Variants in L3MBTL2 observed in about 807,000 individuals in gnomAD.
L3MBTL2 encodes lethal(3)malignant brain tumor-like protein 2.
A neutral mutation model predicts 86.4 loss-of-function variants in L3MBTL2; 49 were observed. The observed-to-expected ratio is 0.57, with a 90% CI of 0.45 to 0.72. The LOEUF is 0.72. Ranked by LOEUF, L3MBTL2 falls within the 30% of genes least tolerant of loss-of-function variation. The probability of loss-of-function intolerance (pLI) is 0.00; values close to 1 mark genes in which losing one functional copy is unlikely to be tolerated. For synonymous variants in L3MBTL2, 336 were observed against 350.6 expected, an observed-to-expected ratio of 0.96 and a Z score of 0.47; for missense variants, 755 against 923.7, an observed-to-expected ratio of 0.82 and a Z score of 2.37.
chr22:41,229,866 C>A, intron 16 of L3MBTL2: 2 of 833,368 alleles, frequency 2.4e-6, no homozygotes, highest in South Asian at 1.5e-5. Flanking sequence ...AGCCCGGCCC[C>A]GGCCCCTCCT....
At chr22:41,229,417 T>C (rs1335807046) in intron 15 of L3MBTL2, 123 bp from the exon 16 acceptor site, 4 of 1,068,010 alleles carry the variant, frequency 3.7e-6, no homozygotes, top group Non-Finnish European at 5.3e-6. Context: ...AGTCCAGGCT[T>C]TCTGTCCCCA....
At chr22:41,223,168 G>A (rs148057912) in intron 8 of L3MBTL2, among the ~76,000 whole-genome samples, 18 of 152,338 alleles carry the variant, frequency 1.2e-4, no homozygotes, top group African/African-American at 4.3e-4. Context: ...TAGGACCCCT[G>A]TGTCAGCTTT....
intron 6 of L3MBTL2, among the ~76,000 whole-genome samples, chr22:41,220,117 G>C (rs2031701834): frequency 1.3e-5 from 2 of 152,204 alleles, no homozygotes; most frequent in East Asian, 3.9e-4. Context: ...GGAGGCAGAG[G>C]CAGGAGGATT....
intron 2 of L3MBTL2, among the ~76,000 whole-genome samples, chr22:41,210,571 C>T (rs1312855578): frequency 6.6e-6 from 1 of 152,198 alleles, no homozygotes. Flanking sequence ...CCTCGTGATC[C>T]ACCCGCCTCG....
At position 41,214,003 on chromosome 22, in the gene L3MBTL2, G is replaced by A; in HGVS notation, c.373G>A (p.Ala125Thr). Residue 125 changes from alanine (A) to threonine (T), a missense_variant, in exon 3 of 17, where the codon GCC becomes ACC. This residue lies in a region of L3MBTL2 where 18 missense variants were observed against 69.7 expected (regional missense o/e 0.26). Coordinates refer to ENST00000216237, the MANE Select transcript of L3MBTL2 (RefSeq NM_031488.5). Reference protein sequence around the residue: ...SRSYSSNSKKASILARLQGKP... With the variant: ...SRSYSSNSKKTSILARLQGKP... ...GAGCTACTCCTCCAACTCCAAGAAA[G>A]CCAGTATCTTGGCTAGGTTACAGGT... 1.2e-6 allele frequency: 2 copies of A among 1,614,170 alleles called. No homozygotes were observed. The highest frequency in any genetic ancestry group is 1.7e-6 in the Non-Finnish European group (2 of 1,180,022).
chr22:41,211,394 A>T (rs1417731774), intron 2 of L3MBTL2, among the ~76,000 whole-genome samples: 2 of 150,742 alleles, frequency 1.3e-5, no homozygotes, highest in African/African-American at 4.9e-5. Context: ...TTGTAGAGAC[A>T]GGGGTTTTGC....
At chr22:41,226,563 C>A in intron 12 of L3MBTL2, 99 bp from the exon 13 acceptor site, 1 of 855,498 alleles carries the variant, frequency 1.2e-6, no homozygotes. Flanking sequence ...ATGCTGGGTC[C>A]TGACCAAGCT....
At chr22:41,219,310 T>G (rs1265408120) in intron 5 of L3MBTL2, 109 bp from the exon 6 acceptor site, 1 of 757,160 alleles carries the variant, frequency 1.3e-6, no homozygotes, top group Non-Finnish European at 2.4e-6. Flanking sequence ...CAGTGGGTGA[T>G]GTGAAAAGTT....
chr22:41,219,533 G>A lies in L3MBTL2; in HGVS notation c.715G>A (p.Ala239Thr). The A allele has an allele frequency of 6.2e-7, 1 of 1,606,964 alleles. No homozygotes were observed. The highest frequency in any genetic ancestry group is 8.5e-7 in the Non-Finnish European group (1 of 1,173,804). ...CTGGATCGCCTCTGTCATCCAGACA[G>A]CAGGTGAGTGTTTGGCCAGGGCAGG... ...VYWIASVIQT[A>T]GYRVLLRYEG... Residue 239 changes from alanine to threonine, a missense_variant, in exon 6 of 17, where the codon GCA (alanine) becomes ACA (threonine). Ala to Thr is a moderately conservative substitution (Grantham distance 58). Around this residue, in one of 3 missense-constraint regions of L3MBTL2, gnomAD observed 634 missense variants for 748.9 expected, o/e 0.85. Coordinates refer to ENST00000216237, the MANE Select transcript of L3MBTL2 (RefSeq NM_031488.5).
chr22:41,216,000 A>T, intron 3 of L3MBTL2, 139 bp from the exon 4 acceptor site: 2 of 947,126 alleles, frequency 2.1e-6, no homozygotes, highest in Non-Finnish European at 3.1e-6. Flanking sequence ...TATTGTCATC[A>T]CTGTTTCACA....
At chr22:41,215,659 A>AACATTCGCCTATGTGGACCCTCTCCCGT in intron 3 of L3MBTL2, among the ~76,000 whole-genome samples, 1 of 152,152 alleles carries the variant, frequency 6.6e-6, no homozygotes, top group East Asian at 1.9e-4. Context: ...CCCTCTCCCG[A>AACATTCGCCTATGTGGACCCTCTCCCGT]ACATTCGCCT....
intron 2 of L3MBTL2, 137 bp downstream of exon 2, chr22:41,210,070 G>T: frequency 9.4e-7 from 1 of 1,062,582 alleles, no homozygotes; most frequent in Non-Finnish European, 1.3e-6. Context: ...GATCAGATGT[G>T]TAAGGACCTG....
intron 5 of L3MBTL2, chr22:41,217,501 C>T (rs1475092183): frequency 6.4e-6 from 2 of 312,830 alleles, no homozygotes; most frequent in Admixed American, 4.9e-5. Context: ...TCTCTCCTTT[C>T]TCCCCCATTT....
chr22:41,213,693 A>C (rs2060179427), intron 2 of L3MBTL2, 200 bp from the exon 3 acceptor site: 3 of 532,950 alleles, frequency 5.6e-6, no homozygotes, highest in Admixed American at 3.2e-5. Context: ...TAGCCAAGGG[A>C]GGCCAAGCAG....
intron 3 of L3MBTL2, 54 bp downstream of exon 3, chr22:41,214,080 C>G: frequency 6.3e-7 from 1 of 1,597,038 alleles, no homozygotes; most frequent in Middle Eastern, 1.8e-4. Flanking sequence ...GAGACAGGAA[C>G]CACCAAGTGA....
At chr22:41,213,334 C>CT (rs141223031) in intron 2 of L3MBTL2, among the ~76,000 whole-genome samples, 3 of 151,704 alleles carry the variant, frequency 2.0e-5, no homozygotes, top group Admixed American at 6.6e-5. Flanking sequence ...AATTTTTTCG[C>CT]TTTTTTTTGA....
chr22:41,230,313 C>T lies in L3MBTL2; in HGVS notation c.*62C>T. The T allele has an allele frequency of 1.7e-6, 2 of 1,194,040 alleles. No homozygotes were observed. Among genetic ancestry groups the T allele is most frequent in the South Asian group, 1.2e-5 (1 of 81,256 alleles). The allele number at this position is 1,194,040 out of a possible 1,614,324, so 74.0% of individuals were successfully genotyped here. A position where few individuals can be genotyped will look rare whatever the true frequency, so the allele number is the denominator to read the frequency against. On this transcript the variant is annotated 3_prime_UTR_variant, in exon 17 of 17. Transcript: ENST00000216237. ...CAGCCCAGCGTTTCTCTACCACCAC[C>T]ACCATGCCTCCACCTGACTTTGGCT...
chr22:41,207,915 T>C (rs1726390198), intron 1 of L3MBTL2, among the ~76,000 whole-genome samples: 1 of 151,534 alleles, frequency 6.6e-6, no homozygotes, highest in Non-Finnish European at 1.5e-5. Flanking sequence ...CACTGCAACC[T>C]CCAACTCCTG....
chr22:41,224,282 A>T lies in L3MBTL2; in HGVS notation c.1174+31A>T. ...CAGAGCCCCAGGCCAGAGGGACTGC[A>T]TGCTGTGCTTCCCCAGGGACGGAGT... is the stretch of plus-strand genomic sequence containing the variant. On this transcript the variant is annotated intron_variant, in intron 9 of 16. Transcript: ENST00000216237. The surrounding 1 kb of genome is among the most constrained non-coding windows in gnomAD (Gnocchi z 4.9). 1 of 1,554,482 alleles carries T rather than the reference A, an allele frequency of 6.4e-7. No homozygotes were observed. Among genetic ancestry groups the T allele is most frequent in the African/African-American group, 1.4e-5 (1 of 73,890 alleles).
Sources: allele counts gnomAD v4.1 joint callset (sites outside exome capture counted in the v4.1 genomes callset), GRCh38; gene constraint gnomAD v4.1.1; regional missense constraint gnomAD v4.1.1; non-coding constraint Gnocchi (gnomAD v3.1); transcripts MANE v1.5; gene names NCBI Gene and HGNC (gene_info 2026-07-23, HGNC 2026-07-21).